SDK1: variants seen among roughly 807,000 people sequenced by gnomAD.
SDK1 encodes the protein protein sidekick-1.
In SDK1, 157 loss-of-function variants were observed where a neutral mutation model predicts 245.5. The observed-to-expected ratio is 0.64, with a 90% CI of 0.56 to 0.73. SDK1 has a LOEUF of 0.73. Among genes scored for constraint, SDK1 ranks in the 30% least tolerant of loss-of-function variants. The pLI is 0.00. For synonymous variants in SDK1, 1,647 were observed against 1,278.5 expected (o/e 1.29, Z -6.15); for missense variants, 3,583 against 3,002.3 (o/e 1.19, Z -4.52).
intron 14 of SDK1, among the ~76,000 whole-genome samples, chr7:4,005,212 A>T (rs1053160957): frequency 6.6e-6 from 1 of 151,082 alleles, no homozygotes; most frequent in Non-Finnish European, 1.5e-5. Flanking sequence ...CGCCTGGCTA[A>T]TTTTTTGTAT....
intron 5 of SDK1, among the ~76,000 whole-genome samples, chr7:3,905,904 A>T (rs934751497): frequency 5.3e-5 from 8 of 152,184 alleles, no homozygotes. Context: ...GATTGCAGGT[A>T]TGAGCCACTG....
intron 4 of SDK1, among the ~76,000 whole-genome samples, chr7:3,659,957 G>A (rs1783302605): frequency 6.6e-6 from 1 of 152,168 alleles, no homozygotes; most frequent in African/African-American, 2.4e-5. Context: ...CAGAAATGAT[G>A]ACAACTGGAT....
chr7:3,749,085 A>T (rs1779703389), intron 4 of SDK1, among the ~76,000 whole-genome samples: 1 of 152,240 alleles, frequency 6.6e-6, no homozygotes, highest in African/African-American at 2.4e-5. Flanking sequence ...TCAGAATTTA[A>T]TCAGATGATA....
intron 1 of SDK1, among the ~76,000 whole-genome samples, chr7:3,358,941 G>A (rs757521546): frequency 6.6e-6 from 1 of 152,174 alleles, no homozygotes; most frequent in African/African-American, 2.4e-5. Flanking sequence ...GAACATTGGT[G>A]CAGTTTTTTT....
chr7:4,063,682 C>T (rs1050581034), intron 19 of SDK1, among the ~76,000 whole-genome samples: 6 of 150,560 alleles, frequency 4.0e-5, no homozygotes, highest in South Asian at 4.2e-4. Context: ...GCAAAAATAA[C>T]GAAACTGGAG....
At chr7:3,588,919 G>C (rs575241400) in intron 1 of SDK1, among the ~76,000 whole-genome samples, 1 of 152,256 alleles carries the variant, frequency 6.6e-6, no homozygotes, top group East Asian at 1.9e-4. Flanking sequence ...TCAAAAATGA[G>C]ATCAAAGTTG....
intron 1 of SDK1, among the ~76,000 whole-genome samples, chr7:3,524,084 G>C (rs535624778): frequency 1.3e-5 from 2 of 152,288 alleles, no homozygotes; most frequent in African/African-American, 4.8e-5. Context: ...TGCCTGAGAA[G>C]AAGACATTTA....
intron 14 of SDK1, among the ~76,000 whole-genome samples, chr7:3,990,052 C>T (rs879532650): frequency 6.6e-6 from 1 of 152,242 alleles, no homozygotes; most frequent in East Asian, 1.9e-4. Context: ...TCCTGCACTA[C>T]AGCGGGGCTT....
chr7:4,066,339 G>A (rs2128172813), intron 19 of SDK1, among the ~76,000 whole-genome samples: 1 of 152,320 alleles, frequency 6.6e-6, no homozygotes, highest in South Asian at 2.1e-4. Flanking sequence ...GTTTGCTGCT[G>A]AGATCAATGG....
At chr7:3,676,276 C>A (rs1783892093) in intron 4 of SDK1, among the ~76,000 whole-genome samples, 1 of 151,602 alleles carries the variant, frequency 6.6e-6, no homozygotes, top group Non-Finnish European at 1.5e-5. Context: ...GCCTTGTCCT[C>A]CGAAAGTGCT....
chr7:3,590,239 A>T (rs1780822687), intron 1 of SDK1, among the ~76,000 whole-genome samples: 1 of 146,684 alleles, frequency 6.8e-6, no homozygotes. Flanking sequence ...CAGAAGTTGA[A>T]TTTTAGTGGA....
chr7:4,150,336 G>C (rs1780275452), intron 30 of SDK1, among the ~76,000 whole-genome samples: 2 of 152,162 alleles, frequency 1.3e-5, no homozygotes, highest in South Asian at 4.1e-4. Flanking sequence ...GTGGAGCGGG[G>C]GTCTTGGAGT....
intron 1 of SDK1, among the ~76,000 whole-genome samples, chr7:3,371,304 G>C (rs1451531597): frequency 1.3e-5 from 2 of 152,060 alleles, no homozygotes; most frequent in African/African-American, 4.8e-5. Context: ...GATCTAGATG[G>C]GGCTCTCCTA....
chr7:3,900,857 A>G (rs1781763892), intron 5 of SDK1, among the ~76,000 whole-genome samples: 1 of 152,192 alleles, frequency 6.6e-6, no homozygotes, highest in Non-Finnish European at 1.5e-5. Flanking sequence ...CATAACCACC[A>G]TAAAATCATT....
At chr7:4,071,540 G>T (rs1024726132) in intron 20 of SDK1, among the ~76,000 whole-genome samples, 1 of 152,168 alleles carries the variant, frequency 6.6e-6, no homozygotes, top group South Asian at 2.1e-4. Context: ...GCCTGGAGTC[G>T]AAGGAATTAA....
At chr7:4,230,836 C>T (rs375187019) in intron 40 of SDK1, among the ~76,000 whole-genome samples, 33 of 152,170 alleles carry the variant, frequency 2.2e-4, no homozygotes, top group African/African-American at 7.5e-4. Context: ...CAAGGTTGAC[C>T]TCAAAAAGAT....
chr7:3,757,401 A>G (rs955923761), intron 4 of SDK1, among the ~76,000 whole-genome samples: 1 of 151,870 alleles, frequency 6.6e-6, no homozygotes, highest in African/African-American at 2.4e-5. Flanking sequence ...GGTTAATTTT[A>G]TTTAAAATTA....
At chr7:3,797,484 C>G (rs1016995935) in intron 4 of SDK1, among the ~76,000 whole-genome samples, 6 of 150,988 alleles carry the variant, frequency 4.0e-5, no homozygotes, top group African/African-American at 1.5e-4. Flanking sequence ...CACACACACA[C>G]ACACACACAC....
chr7:4,210,196 G>T (rs752502165), intron 38 of SDK1, 34 bp downstream of exon 38: 59 of 1,498,556 alleles, frequency 3.9e-5, no homozygotes, highest in Admixed American at 3.8e-4. Context: ...GGGAGCGCGG[G>T]CCACACCAGT....
Sources: allele counts gnomAD v4.1 joint callset (sites outside exome capture counted in the v4.1 genomes callset), GRCh38; gene constraint gnomAD v4.1.1; transcripts MANE v1.5; gene names NCBI Gene and HGNC (gene_info 2026-07-23, HGNC 2026-07-21).